The following CDK14 variants were observed in gnomAD, a reference collection of about 807,000 sequenced individuals.
CDK14 encodes the protein cyclin-dependent kinase 14.
CDK14 carries 34 observed loss-of-function variants against 60.7 expected under a neutral mutation model. The observed-to-expected ratio is 0.56, with a 90% CI of 0.43 to 0.75. The LOEUF (loss-of-function observed/expected upper bound fraction) is 0.75, where lower values mean the gene tolerates loss of function less well. Among genes scored for constraint, CDK14 ranks in the 30% least tolerant of loss-of-function variants. The pLI is 0.00. For missense variants in CDK14, 482 were observed against 564.1 expected (o/e 0.85, Z 1.47); for synonymous variants, 197 against 203.7 (o/e 0.97, Z 0.28).
chr7:90,635,422 C>T (rs375925267), intron 2 of CDK14, among the ~76,000 whole-genome samples: 2,109 of 152,118 alleles, frequency 0.014, 64 homozygotes, highest in African/African-American at 0.046. Context: ...TTTCTCAGGT[C>T]TGTCAAAGAT....
At chr7:90,645,316 A>G (rs1321101667) in intron 2 of CDK14, among the ~76,000 whole-genome samples, 1 of 152,078 alleles carries the variant, frequency 6.6e-6, no homozygotes. Flanking sequence ...ACAATGTTTC[A>G]GTCCACAAAT....
intron 4 of CDK14, among the ~76,000 whole-genome samples, chr7:90,751,808 A>G (rs1803859015): frequency 6.6e-6 from 1 of 152,234 alleles, no homozygotes; most frequent in South Asian, 2.1e-4. Flanking sequence ...TTACACAAGT[A>G]GGCTCAAAGT....
intron 2 of CDK14, among the ~76,000 whole-genome samples, chr7:90,604,936 C>G (rs1799386891): frequency 6.6e-6 from 1 of 152,100 alleles, no homozygotes; most frequent in Non-Finnish European, 1.5e-5. Context: ...TTCATTGTAA[C>G]CATCCTGAGC....
chr7:90,870,425 G>A (rs1274154157), intron 6 of CDK14, among the ~76,000 whole-genome samples: 1 of 152,096 alleles, frequency 6.6e-6, no homozygotes, highest in Non-Finnish European at 1.5e-5. Context: ...GAAATAATTT[G>A]TATAGCAAAC....
intron 5 of CDK14, among the ~76,000 whole-genome samples, chr7:90,835,069 G>GA (rs1384061706): frequency 6.6e-6 from 1 of 152,160 alleles, no homozygotes; most frequent in Non-Finnish European, 1.5e-5. Context: ...GACGGTGACT[G>GA]ACAAGGAGCA....
At chr7:90,711,885 T>C (rs1047417397) in intron 2 of CDK14, among the ~76,000 whole-genome samples, 658 of 21,314 alleles carry the variant, frequency 0.031, 18 homozygotes, top group African/African-American at 0.096. Flanking sequence ...GTCTACTATG[T>C]TTTTTTTTTT....
intron 10 of CDK14, among the ~76,000 whole-genome samples, chr7:90,997,562 G>A (rs540119597): frequency 4.6e-5 from 7 of 152,124 alleles, no homozygotes; most frequent in Non-Finnish European, 7.4e-5. Flanking sequence ...ACATTCAGAT[G>A]CAGAGTTCAT....
intron 12 of CDK14, among the ~76,000 whole-genome samples, chr7:91,099,321 A>C (rs1282059247): frequency 6.6e-6 from 1 of 152,138 alleles, no homozygotes; most frequent in Non-Finnish European, 1.5e-5. Context: ...GCCATTCCTA[A>C]ATTTTTACAT....
At chr7:90,955,455 T>C (rs1222349295) in intron 8 of CDK14, among the ~76,000 whole-genome samples, 1 of 152,184 alleles carries the variant, frequency 6.6e-6, no homozygotes, top group Non-Finnish European at 1.5e-5. Context: ...TCTGCTGATA[T>C]TTTATTAGAT....
intron 2 of CDK14, among the ~76,000 whole-genome samples, chr7:90,702,039 T>G (rs932371689): frequency 1.3e-5 from 2 of 152,092 alleles, no homozygotes; most frequent in Non-Finnish European, 2.9e-5. Flanking sequence ...CAGGGAAGGA[T>G]TACTCTAAGT....
rs565252338 is a variant in CDK14 at position 91,118,072 on chromosome 7, T to C, written c.1302T>C (p.Ser434=). 2.5e-6 allele frequency: 4 copies of C among 1,599,402 alleles called. No homozygotes were observed. The South Asian group carries it at 4.4e-5, about 18-fold the overall frequency. ...PRLWELTDMS[S]IFTVPNVRLQ... ...TTCATATTCTGTCCACAGTGTCTTC[T>C]ATTTTTACTGTCCCAAATGTGAGAT... The change falls in exon 14 of 15, where the codon TCT becomes TCC. Residue 434 remains serine, a synonymous_variant. Coordinates refer to ENST00000380050, the MANE Select transcript of CDK14 (RefSeq NM_001287135.2).
intron 14 of CDK14, among the ~76,000 whole-genome samples, chr7:91,175,966 A>G (rs1279852713): frequency 4.3e-3 from 604 of 139,370 alleles, no homozygotes; most frequent in Admixed American, 5.5e-3. Context: ...GACCTAATAG[A>G]CATCTACAGA....
At chr7:90,676,840 C>T (rs1160255824) in intron 2 of CDK14, among the ~76,000 whole-genome samples, 1 of 152,026 alleles carries the variant, frequency 6.6e-6, no homozygotes, top group Non-Finnish European at 1.5e-5. Context: ...CCGGCTCAGT[C>T]CCAGATGTTT....
At chr7:90,970,716 C>G (rs185806687) in intron 9 of CDK14, among the ~76,000 whole-genome samples, 1 of 152,130 alleles carries the variant, frequency 6.6e-6, no homozygotes, top group Admixed American at 6.5e-5. Context: ...TACAGTGGAG[C>G]GAAAGGTTTC....
At chr7:90,634,974 G>A (rs1487510334) in intron 2 of CDK14, among the ~76,000 whole-genome samples, 1 of 152,072 alleles carries the variant, frequency 6.6e-6, no homozygotes, top group Non-Finnish European at 1.5e-5. Context: ...ACTTTTTGAT[G>A]GGGTTGTTTG....
At chr7:90,929,094 GTCTCGATTTTCCATTT>G (rs1793511904) in intron 8 of CDK14, among the ~76,000 whole-genome samples, 1 of 152,170 alleles carries the variant, frequency 6.6e-6, no homozygotes, top group African/African-American at 2.4e-5. Context: ...GGGTGGGAGT[GTCTCGATTTTCCATTT>G]TCTCGATTTT....
At chr7:90,671,416 T>G (rs1317213325) in intron 2 of CDK14, among the ~76,000 whole-genome samples, 1 of 152,164 alleles carries the variant, frequency 6.6e-6, no homozygotes, top group East Asian at 1.9e-4. Flanking sequence ...CAGAAAATGT[T>G]AAGATGTAAA....
At chr7:91,100,261 T>C (rs924550359) in intron 12 of CDK14, among the ~76,000 whole-genome samples, 2 of 152,146 alleles carry the variant, frequency 1.3e-5, no homozygotes, top group Non-Finnish European at 2.9e-5. Context: ...TAAGTGCACA[T>C]GGATTATAGT....
rs929893362 is a variant in CDK14, at chr7:91,128,536, T to G, written c.*28+10328T>G. Among the ~76,000 whole-genome samples the G allele has an allele frequency of 5.3e-5, 8 of 152,296 alleles. No homozygotes were observed. The East Asian group carries it at 1.5e-3, about 29-fold the overall frequency. ...TTTTTATCTTTCACAGAAACCCAAT[T>G]TGTTAATAACTGACAGATTTATTAG... On this transcript the variant is annotated intron_variant, in intron 14 of 14. Transcript: ENST00000380050.
Sources: gnomAD v4.1 joint callset for allele counts (sites outside exome capture counted in the v4.1 genomes callset) on GRCh38, gnomAD v4.1.1 for gene constraint, MANE v1.5 for transcripts, NCBI Gene and HGNC (gene_info 2026-07-23, HGNC 2026-07-21) for gene names.